Variants in BMAL2 observed in about 807,000 individuals in gnomAD.
BMAL2 encodes basic helix-loop-helix ARNT-like protein 2.
chr12:27,350,498 T>C, the BMAL2 span, among the ~76,000 whole-genome samples: 1 of 152,192 alleles, frequency 6.6e-6, no homozygotes, highest in Non-Finnish European at 1.5e-5. Context: ...TCCACAGAAG[T>C]GGCTCAACAA....
chr12:27,414,319 G>GT, the BMAL2 span, among the ~76,000 whole-genome samples: 1 of 152,144 alleles, frequency 6.6e-6, no homozygotes, highest in African/African-American at 2.4e-5. Context: ...GACTAAAGAC[G>GT]TGAACACTCC....
chr12:27,404,820 A>G, the BMAL2 span, among the ~76,000 whole-genome samples: 2 of 152,228 alleles, frequency 1.3e-5, no homozygotes, highest in African/African-American at 4.8e-5. Flanking sequence ...TCACCCGGAA[A>G]GCGCAAGGGG....
chr12:27,376,305 G>C, the BMAL2 span: 2 of 1,542,192 alleles, frequency 1.3e-6, no homozygotes, highest in African/African-American at 1.4e-5. Flanking sequence ...TACAGAAAAG[G>C]TACTTCATGT....
chr12:27,360,803 C>CAAAAAAAAAAAAAAAAAA, the BMAL2 span, among the ~76,000 whole-genome samples: 751 of 46,760 alleles, frequency 0.016, 198 homozygotes, highest in Non-Finnish European at 0.022. Context: ...GTGATTTGTC[C>CAAAAAAAAAAAAAAAAAA]AAAAAAAAAA....
the BMAL2 span, chr12:27,418,192 C>G: frequency 6.2e-7 from 1 of 1,601,554 alleles, no homozygotes; most frequent in Non-Finnish European, 8.5e-7. Flanking sequence ...ATGAGCCACT[C>G]CTCAGTAAGT....
At chr12:27,398,483 C>T in the BMAL2 span, among the ~76,000 whole-genome samples, 1 of 152,060 alleles carries the variant, frequency 6.6e-6, no homozygotes, top group East Asian at 1.9e-4. Flanking sequence ...ACCCACTTCC[C>T]ATTTGCCCTG....
the BMAL2 span, among the ~76,000 whole-genome samples, chr12:27,340,128 CCTTTTGGCACAATTG>C: frequency 6.6e-6 from 1 of 152,136 alleles, no homozygotes; most frequent in East Asian, 1.9e-4. Context: ...GTCAATTTTT[CCTTTTGGCACAATTG>C]CTTTTGGTGT....
At chr12:27,409,857 C>A in the BMAL2 span, among the ~76,000 whole-genome samples, 125 of 152,138 alleles carry the variant, frequency 8.2e-4, 1 homozygote, top group African/African-American at 3.0e-3. Flanking sequence ...GGACAAAGGG[C>A]TAATATCCAG....
At chr12:27,374,900 C>G in the BMAL2 span, among the ~76,000 whole-genome samples, 5 of 152,098 alleles carry the variant, frequency 3.3e-5, no homozygotes, top group African/African-American at 1.2e-4. Flanking sequence ...TGATAAAGTA[C>G]CATAAATATA....
chr12:27,409,509 C>T, the BMAL2 span, among the ~76,000 whole-genome samples: 3 of 152,050 alleles, frequency 2.0e-5, no homozygotes, highest in African/African-American at 4.8e-5. Flanking sequence ...ATTCCCTATT[C>T]AATAAATGGT....
the BMAL2 span, among the ~76,000 whole-genome samples, chr12:27,358,383 C>T: frequency 1.3e-5 from 2 of 152,076 alleles, no homozygotes; most frequent in Non-Finnish European, 2.9e-5. Context: ...ATCAAAAAAT[C>T]AAAAAATAAT....
the BMAL2 span, among the ~76,000 whole-genome samples, chr12:27,375,932 T>C: frequency 6.6e-6 from 1 of 152,248 alleles, no homozygotes; most frequent in African/African-American, 2.4e-5. Flanking sequence ...AGGTCTGGGA[T>C]TCTTAATCCA....
the BMAL2 span, chr12:27,418,113 C>T: frequency 1.9e-6 from 3 of 1,612,750 alleles, no homozygotes; most frequent in Admixed American, 5.0e-5. Context: ...TTGTTTCCAC[C>T]AAGTCCTTCT....
chr12:27,401,115 G>A, the BMAL2 span: 2 of 683,058 alleles, frequency 2.9e-6, no homozygotes, highest in Non-Finnish European at 5.0e-6. Flanking sequence ...TAGGGCAGCC[G>A]AGGGGAGCCC....
the BMAL2 span, among the ~76,000 whole-genome samples, chr12:27,342,461 T>C: frequency 6.6e-6 from 1 of 152,260 alleles, no homozygotes; most frequent in African/African-American, 2.4e-5. Flanking sequence ...GTAGATTGAA[T>C]CTATACCATC....
the BMAL2 span, chr12:27,390,241 TATC>T: frequency 6.0e-5 from 97 of 1,613,318 alleles, 1 homozygote; most frequent in African/African-American, 1.3e-3. Context: ...AGAAGAAAGG[TATC>T]ATTTTGAAAT....
the BMAL2 span, among the ~76,000 whole-genome samples, chr12:27,398,234 T>C: frequency 3.3e-5 from 5 of 152,178 alleles, no homozygotes; most frequent in African/African-American, 1.2e-4. Context: ...TGCAACATGT[T>C]GAGGAAAAAT....
the BMAL2 span, chr12:27,377,467 CCTCTGCTGTACATCCTGGAGTCAGGAGT>C: frequency 6.6e-6 from 1 of 152,288 alleles, no homozygotes; most frequent in Admixed American, 6.5e-5. Context: ...AGCACCCCTT[CCTCTGCTGTACATCCTGGAGTCAGGAGT>C]CTCTATCCAT....
chr12:27,404,793 CAGGGTGAGGCATCGCCTCACCCGGA>C, the BMAL2 span, among the ~76,000 whole-genome samples: 1 of 152,270 alleles, frequency 6.6e-6, no homozygotes, highest in African/African-American at 2.4e-5. Context: ...TGAGCCGAAG[CAGGGTGAGGCATCGCCTCACCCGGA>C]AAGCGCAAGG....
Sources: gnomAD v4.1 joint callset for allele counts (sites outside exome capture counted in the v4.1 genomes callset) on GRCh38, gnomAD v4.1.1 for gene constraint, MANE v1.5 for transcripts, NCBI Gene and HGNC (gene_info 2026-07-23, HGNC 2026-07-21) for gene names.